The following EPHA3 variants were observed in gnomAD, a reference collection of about 807,000 sequenced individuals.
EPHA3 encodes the protein ephrin type-A receptor 3.
A neutral mutation model predicts 107.1 loss-of-function variants in EPHA3; 42 were observed. The observed-to-expected ratio is 0.39, with a 90% CI of 0.31 to 0.51. EPHA3 has a LOEUF of 0.51. Among genes scored for constraint, EPHA3 ranks in the 20% least tolerant of loss-of-function variants. The pLI is 0.78. For missense variants in EPHA3, 1,183 were observed against 1,211.2 expected, an observed-to-expected ratio of 0.98 and a Z score of 0.35; for synonymous variants, 461 against 424.8, an observed-to-expected ratio of 1.09 and a Z score of -1.05.
At chr3:89,326,937 C>T (rs1576313571) in intron 3 of EPHA3, among the ~76,000 whole-genome samples, 1 of 151,846 alleles carries the variant, frequency 6.6e-6, no homozygotes, top group Non-Finnish European at 1.5e-5. Flanking sequence ...TTTGGTTGGA[C>T]CAAGTAATTG....
At chr3:89,379,116 C>T (rs551911759) in intron 5 of EPHA3, among the ~76,000 whole-genome samples, 11 of 152,160 alleles carry the variant, frequency 7.2e-5, no homozygotes, top group African/African-American at 2.4e-4. Flanking sequence ...TGCAATTTCC[C>T]CTTTGCTTTC....
intron 16 of EPHA3, among the ~76,000 whole-genome samples, chr3:89,473,858 T>C (rs1314354424): frequency 6.6e-6 from 1 of 152,158 alleles, no homozygotes; most frequent in Non-Finnish European, 1.5e-5. Context: ...AAGAAGTGTA[T>C]ACTGGATAGA....
At chr3:89,476,760 A>G (rs1462208392) in intron 16 of EPHA3, among the ~76,000 whole-genome samples, 2 of 151,574 alleles carry the variant, frequency 1.3e-5, no homozygotes, top group Non-Finnish European at 1.5e-5. Context: ...GGCGCCCGCC[A>G]CCACGCCCCG....
chr3:89,127,861 T>G (rs1208827520), intron 2 of EPHA3, among the ~76,000 whole-genome samples: 1 of 152,114 alleles, frequency 6.6e-6, no homozygotes. Flanking sequence ...TCAATCCAGA[T>G]ACAAATTACA....
chr3:89,139,777 C>T lies in EPHA3; in HGVS notation c.153+12504C>T, dbSNP rs574434592. Among the ~76,000 whole-genome samples the T allele has an allele frequency of 2.6e-5, 4 of 151,714 alleles. 1 individual carries two copies. The South Asian group carries it at 8.3e-4, about 32-fold the overall frequency. ...CGTCATTACCTTCTGGGTCTGGGTT[C>T]GGTGCTCTTTTCATTCCTCCTCTCT... On this transcript the variant is annotated intron_variant, in intron 2 of 16. Transcript: ENST00000336596.
chr3:89,167,255 G>A (rs1202819040), intron 2 of EPHA3, among the ~76,000 whole-genome samples: 1 of 151,982 alleles, frequency 6.6e-6, no homozygotes, highest in Non-Finnish European at 1.5e-5. Flanking sequence ...TGTGATAAAA[G>A]TACATAACAT....
intron 3 of EPHA3, among the ~76,000 whole-genome samples, chr3:89,249,033 C>T (rs1429386545): frequency 2.0e-5 from 3 of 152,020 alleles, no homozygotes; most frequent in Admixed American, 6.6e-5. Flanking sequence ...TCCCAGTATC[C>T]CTTGCAGTTA....
intron 3 of EPHA3, among the ~76,000 whole-genome samples, chr3:89,234,555 G>A (rs1704707638): frequency 6.6e-6 from 1 of 152,152 alleles, no homozygotes. Flanking sequence ...GTCTTCCTTA[G>A]TAATGGGGAA....
At chr3:89,317,209 A>C (rs188564308) in intron 3 of EPHA3, among the ~76,000 whole-genome samples, 1 of 151,880 alleles carries the variant, frequency 6.6e-6, no homozygotes, top group African/African-American at 2.4e-5. Context: ...ACATCTCAAC[A>C]ATTAGATTTT....
At chr3:89,363,427 C>T (rs1190422442) in intron 5 of EPHA3, among the ~76,000 whole-genome samples, 1 of 150,854 alleles carries the variant, frequency 6.6e-6, no homozygotes, top group African/African-American at 2.4e-5. Flanking sequence ...TCTGAATGCA[C>T]TCTGAAGCTA....
At chr3:89,429,227 C>T (rs1169591271) in intron 12 of EPHA3, 60 bp downstream of exon 12, 2 of 1,316,304 alleles carry the variant, frequency 1.5e-6, no homozygotes, top group Non-Finnish European at 2.2e-6. Context: ...ATTAGAGACA[C>T]CCTCCAATAT....
intron 5 of EPHA3, among the ~76,000 whole-genome samples, chr3:89,362,442 C>A (rs1708112178): frequency 6.6e-6 from 1 of 151,080 alleles, no homozygotes; most frequent in Non-Finnish European, 1.5e-5. Flanking sequence ...TGGCGCCAGG[C>A]AGCTGCTTTT....
intron 2 of EPHA3, among the ~76,000 whole-genome samples, chr3:89,182,644 T>C (rs923570416): frequency 6.6e-6 from 1 of 151,974 alleles, no homozygotes. Context: ...TTTTTCTAAT[T>C]ATTGGTAATT....
At chr3:89,255,094 C>A (rs71322864) in intron 3 of EPHA3, among the ~76,000 whole-genome samples, 36,680 of 152,024 alleles carry the variant, frequency 0.24, 4,858 homozygotes, top group African/African-American at 0.37. Flanking sequence ...AAATAACTTT[C>A]ATAAATAATG....
intron 3 of EPHA3, among the ~76,000 whole-genome samples, chr3:89,275,802 A>G (rs1007378941): frequency 6.6e-6 from 1 of 152,132 alleles, no homozygotes; most frequent in African/African-American, 2.4e-5. Context: ...TCATTGACTC[A>G]ATATTTATTG....
chr3:89,374,477 G>A (rs1708365461), intron 5 of EPHA3, among the ~76,000 whole-genome samples: 1 of 151,838 alleles, frequency 6.6e-6, no homozygotes, highest in Non-Finnish European at 1.5e-5. Flanking sequence ...ATGTAAATGA[G>A]CTGACTTTTT....
At chr3:89,348,224 G>A (rs1270666567) in intron 5 of EPHA3, among the ~76,000 whole-genome samples, 1 of 128,696 alleles carries the variant, frequency 7.8e-6, no homozygotes. Context: ...GGTAGAATTC[G>A]GCTGTGAATC....
At chr3:89,442,323 A>T (rs1273892873) in intron 13 of EPHA3, among the ~76,000 whole-genome samples, 1 of 152,168 alleles carries the variant, frequency 6.6e-6, no homozygotes, top group Admixed American at 6.5e-5. Flanking sequence ...GGGGTATAAA[A>T]TATCCCTAGA....
chr3:89,399,394 C>G lies in EPHA3; in HGVS notation c.1508C>G (p.Thr503Ser), dbSNP rs751929427. 5 of 1,614,080 alleles carry G rather than the reference C, an allele frequency of 3.1e-6. No homozygotes were observed. Among genetic ancestry groups the G allele is most frequent in the Non-Finnish European group, 4.2e-6 (5 of 1,180,030 alleles). ...NVTISSLKPD[T>S]IYVFQIRART... ...ACCATCAGTAGCCTCAAGCCTGACA[C>G]TATATACGTATTCCAAATCCGAGCC... is the stretch of plus-strand genomic sequence containing the variant. Residue 503 changes from threonine (T) to serine (S), a missense_variant, in exon 7 of 17, where the codon ACT becomes AGT. Transcript: ENST00000336596.
Sources: gnomAD v4.1 joint callset for allele counts (sites outside exome capture counted in the v4.1 genomes callset) on GRCh38, gnomAD v4.1.1 for gene constraint, MANE v1.5 for transcripts, NCBI Gene and HGNC (gene_info 2026-07-23, HGNC 2026-07-21) for gene names.